The following LRRC4C variants were observed in gnomAD, a reference collection of about 807,000 sequenced individuals.
LRRC4C encodes the protein leucine-rich repeat-containing protein 4C.
Under a neutral mutation model 33.6 loss-of-function variants are expected in LRRC4C, and 5 were observed. The ratio of observed to expected loss-of-function variants is 0.15; its 90% confidence interval spans 0.08 to 0.31. LRRC4C has a LOEUF of 0.31. Ranked by LOEUF, LRRC4C falls within the 10% of genes least tolerant of loss-of-function variation. The pLI, the probability that LRRC4C is intolerant of heterozygous loss-of-function variation, is 1.00. For synonymous variants in LRRC4C, 329 were observed against 302.0 expected (o/e 1.09, Z -0.93); for missense variants, 560 against 796.7 (o/e 0.70, Z 3.58).
intron 3 of LRRC4C, among the ~76,000 whole-genome samples, chr11:40,398,323 C>A (rs929128354): frequency 1.3e-5 from 2 of 151,918 alleles, no homozygotes; most frequent in African/African-American, 4.8e-5. Context: ...TAGTACATAT[C>A]ATAAGCTGAA....
At chr11:40,860,082 T>TC (rs1190376081) in intron 2 of LRRC4C, among the ~76,000 whole-genome samples, 7 of 78,700 alleles carry the variant, frequency 8.9e-5, no homozygotes, top group East Asian at 3.6e-4. Context: ...CGAGACTCTG[T>TC]CCCCCCAAAA....
chr11:40,957,367 T>G (rs1355175106), intron 1 of LRRC4C, among the ~76,000 whole-genome samples: 1 of 151,604 alleles, frequency 6.6e-6, no homozygotes, highest in African/African-American at 2.4e-5. Context: ...GAAGATGAGA[T>G]CCAACTCTTA....
chr11:41,437,562 G>C (rs1278361378), intron 1 of LRRC4C, among the ~76,000 whole-genome samples: 1 of 152,106 alleles, frequency 6.6e-6, no homozygotes, highest in Non-Finnish European at 1.5e-5. Context: ...TCATCCCCAG[G>C]CTTTTGTTGA....
intron 1 of LRRC4C, among the ~76,000 whole-genome samples, chr11:41,310,060 T>C (rs1426709985): frequency 6.6e-6 from 1 of 152,252 alleles, no homozygotes; most frequent in African/African-American, 2.4e-5. Context: ...TTATTTCTCA[T>C]TTCCTCCCAA....
At chr11:41,166,598 TA>T (rs1565443958) in intron 1 of LRRC4C, among the ~76,000 whole-genome samples, 1 of 152,024 alleles carries the variant, frequency 6.6e-6, no homozygotes, top group African/African-American at 2.4e-5. Context: ...TCCTGAGCTC[TA>T]CCCTCTTTCT....
At chr11:40,642,733 C>T (rs1259894195) in intron 3 of LRRC4C, among the ~76,000 whole-genome samples, 1 of 152,150 alleles carries the variant, frequency 6.6e-6, no homozygotes, top group Non-Finnish European at 1.5e-5. Flanking sequence ...TATTTGCAAG[C>T]TCCGACTATC....
chr11:40,496,040 A>C (rs1954437228), intron 3 of LRRC4C, among the ~76,000 whole-genome samples: 1 of 151,812 alleles, frequency 6.6e-6, no homozygotes, highest in Non-Finnish European at 1.5e-5. Flanking sequence ...TGGTTTCACC[A>C]GGCTGGTTTC....
At chr11:40,585,688 G>A (rs1378844195) in intron 3 of LRRC4C, among the ~76,000 whole-genome samples, 6 of 133,988 alleles carry the variant, frequency 4.5e-5, no homozygotes, top group African/African-American at 1.7e-4. Flanking sequence ...TGATCTCATT[G>A]TTCAATTCCC....
chr11:41,305,999 T>TG (rs1461888234), intron 1 of LRRC4C, among the ~76,000 whole-genome samples: 24 of 146,722 alleles, frequency 1.6e-4, no homozygotes, highest in Non-Finnish European at 3.0e-5. Flanking sequence ...GCTGGCCCCC[T>TG]GGGCCCCCTT....
rs189772701 is a variant in LRRC4C, at chr11:40,754,938, A to G, written c.-406-106660T>C. On this transcript the variant is annotated intron_variant, in intron 2 of 6. Transcript: ENST00000528697. ...CCCTTGGTGAATGTAATTAAAAACGATGGTCCTTTCTTTAGGAAAATCTAC... is the reference window on the plus strand; with the variant it reads ...CCCTTGGTGAATGTAATTAAAAACGGTGGTCCTTTCTTTAGGAAAATCTAC... Among the ~76,000 whole-genome samples, 7 of 152,240 alleles carry G rather than the reference A, an allele frequency of 4.6e-5. No homozygotes were observed. The East Asian group carries it at 7.7e-4, about 17-fold the overall frequency.
chr11:40,834,903 G>C (rs55921634), intron 2 of LRRC4C, among the ~76,000 whole-genome samples: 130 of 39,144 alleles, frequency 3.3e-3, no homozygotes, highest in African/African-American at 5.0e-3. Flanking sequence ...CAGACAGACA[G>C]ACAGACAGAC....
intron 2 of LRRC4C, among the ~76,000 whole-genome samples, chr11:40,869,383 C>T (rs942040495): frequency 6.6e-6 from 1 of 152,020 alleles, no homozygotes; most frequent in Non-Finnish European, 1.5e-5. Context: ...TGTCAGTCAA[C>T]CATCAGGTGA....
chr11:40,450,373 G>A (rs1014500490), intron 3 of LRRC4C, among the ~76,000 whole-genome samples: 1 of 152,106 alleles, frequency 6.6e-6, no homozygotes, highest in African/African-American at 2.4e-5. Context: ...GTAGGAGAAA[G>A]TGTCTATGAC....
At chr11:41,149,868 G>A (rs931588508) in intron 1 of LRRC4C, among the ~76,000 whole-genome samples, 1 of 152,090 alleles carries the variant, frequency 6.6e-6, no homozygotes, top group East Asian at 1.9e-4. Flanking sequence ...AATTTCCATC[G>A]AAATCATAAA....
In LRRC4C at chr11:40,773,812, G is replaced by GT. The variant is rs138888228; in HGVS notation, c.-406-125535dup. Among the ~76,000 whole-genome samples the GT allele has an allele frequency of 4.2e-3, 634 of 151,742 alleles. 7 individuals carry two copies. Among genetic ancestry groups the GT allele is most frequent in the African/African-American group, 0.015 (611 of 41,392 alleles). ...ATATATGTTTATAACTGTACTACAG[G>GT]TTTTTTCAATTAATTAATTGAAAAA... On this transcript the variant is annotated intron_variant, in intron 2 of 6. Transcript: ENST00000528697.
chr11:40,967,559 T>G (rs12576601), intron 1 of LRRC4C, among the ~76,000 whole-genome samples: 65,855 of 151,798 alleles, frequency 0.43, 15,744 homozygotes, highest in East Asian at 0.53. Context: ...CATGTTTTTG[T>G]AATTATCACA....
In LRRC4C at chr11:41,448,141, TTG is replaced by T. The variant is rs1349776908; in HGVS notation, c.-496+11288_-496+11289del. ...ACGTCTGTTTTTTTTTTTTTTTTTT[TTG>T]GAGCTTTACTTCATCAGTGTCCACA... On this transcript the variant is annotated intron_variant, in intron 1 of 6. Coordinates refer to ENST00000528697, the MANE Select transcript of LRRC4C (RefSeq NM_001258419.2). 5.5e-5 allele frequency among the ~76,000 whole-genome samples: 8 copies of T among 146,098 alleles called. 1 individual carries two copies. The highest frequency in any genetic ancestry group is 2.2e-4 in the South Asian group (1 of 4,588).
chr11:40,944,647 G>A (rs1161787527), intron 1 of LRRC4C, among the ~76,000 whole-genome samples: 2 of 152,266 alleles, frequency 1.3e-5, no homozygotes, highest in African/African-American at 4.8e-5. Context: ...CATGCAGAGG[G>A]AGGATTAGAA....
rs543015088 is a variant in LRRC4C at position 41,037,146 on chromosome 11, C to T, written c.-495-103423G>A. Among the ~76,000 whole-genome samples the T allele has an allele frequency of 2.3e-5, 3 of 128,480 alleles. No homozygotes were observed. The South Asian group carries it at 8.6e-4, about 37-fold the overall frequency. 84.3% of individuals were successfully genotyped at this position (128,480 alleles called of 152,430 possible). On this transcript the variant is annotated intron_variant, in intron 1 of 6. Transcript: ENST00000528697. ...AAGGCTTTTTTCTCTCAGGTTGCCC[C>T]TTTCTGTACAAGAGAAACAAAATAT...
Sources: allele counts gnomAD v4.1 joint callset (sites outside exome capture counted in the v4.1 genomes callset), GRCh38; gene constraint gnomAD v4.1.1; transcripts MANE v1.5; gene names NCBI Gene and HGNC (gene_info 2026-07-23, HGNC 2026-07-21).